AGBL4: variants seen among roughly 807,000 people sequenced by gnomAD.
The protein encoded by AGBL4 is AGBL carboxypeptidase 4.
Under a neutral mutation model 66.4 loss-of-function variants are expected in AGBL4, and 58 were observed. The ratio of observed to expected loss-of-function variants is 0.87; its 90% CI spans 0.71 to 1.09. The LOEUF (loss-of-function observed/expected upper bound fraction) is 1.09. AGBL4 is among the 50% of genes least tolerant of loss of function. The pLI is 0.00. For missense variants in AGBL4, 579 were observed against 631.0 expected, an observed-to-expected ratio of 0.92 and a Z score of 0.88; for synonymous variants, 234 against 222.9, an observed-to-expected ratio of 1.05 and a Z score of -0.44.
chr1:48,812,617 C>T (rs1449169645), intron 6 of AGBL4, among the ~76,000 whole-genome samples: 3 of 152,150 alleles, frequency 2.0e-5, no homozygotes, highest in Non-Finnish European at 2.9e-5. Flanking sequence ...TGGGTATATA[C>T]CCAAAGGATT....
At chr1:48,777,268 C>CAAATTGCAACAAAACTGCA (rs1645147170) in intron 6 of AGBL4, among the ~76,000 whole-genome samples, 1 of 152,010 alleles carries the variant, frequency 6.6e-6, no homozygotes, top group African/African-American at 2.4e-5. Context: ...ATCGCGCTGC[C>CAAATTGCAACAAAACTGCA]AAATTGCATT....
intron 3 of AGBL4, among the ~76,000 whole-genome samples, chr1:49,478,990 T>C (rs1646900298): frequency 1.3e-5 from 2 of 151,350 alleles, no homozygotes; most frequent in African/African-American, 2.4e-5. Flanking sequence ...ATAGGATACA[T>C]AAAAAATAAA....
chr1:49,257,230 AGGT>A (rs1652593033), intron 3 of AGBL4, among the ~76,000 whole-genome samples: 1 of 152,174 alleles, frequency 6.6e-6, no homozygotes, highest in Non-Finnish European at 1.5e-5. Flanking sequence ...AAGTCTGCAA[AGGT>A]TACTGCTGTC....
At chr1:49,499,629 T>C (rs1048576791) in intron 3 of AGBL4, among the ~76,000 whole-genome samples, 1 of 151,916 alleles carries the variant, frequency 6.6e-6, no homozygotes, top group Non-Finnish European at 1.5e-5. Context: ...TTTCCATTAT[T>C]TAGTTACTTC....
intron 3 of AGBL4, among the ~76,000 whole-genome samples, chr1:49,490,287 T>G (rs1335183797): frequency 6.6e-6 from 1 of 151,854 alleles, no homozygotes; most frequent in Non-Finnish European, 1.5e-5. Flanking sequence ...ATATTGATTT[T>G]GCTACTTAAA....
chr1:49,797,026 A>T, intron 2 of AGBL4, among the ~76,000 whole-genome samples: 1 of 152,166 alleles, frequency 6.6e-6, no homozygotes, highest in East Asian at 1.9e-4. Context: ...GCATTGTGTT[A>T]TCCTTATAAG....
chr1:49,539,661 C>G (rs1651859903), intron 3 of AGBL4, among the ~76,000 whole-genome samples: 1 of 152,196 alleles, frequency 6.6e-6, no homozygotes, highest in Non-Finnish European at 1.5e-5. Context: ...TATTTATATA[C>G]AACCCTTAAA....
At chr1:50,023,412 G>A (rs771189469) in intron 1 of AGBL4, among the ~76,000 whole-genome samples, 13 of 152,092 alleles carry the variant, frequency 8.5e-5, no homozygotes, top group Non-Finnish European at 7.4e-5. Context: ...ACAGGGCAGT[G>A]TACACCCTTT....
intron 3 of AGBL4, among the ~76,000 whole-genome samples, chr1:49,340,800 A>G (rs1645524574): frequency 6.6e-6 from 1 of 152,172 alleles, no homozygotes; most frequent in Non-Finnish European, 1.5e-5. Flanking sequence ...CATTAATACC[A>G]AGTATTTAAT....
intron 4 of AGBL4, among the ~76,000 whole-genome samples, chr1:49,199,526 A>G (rs1353099173): frequency 6.6e-6 from 1 of 152,154 alleles, no homozygotes. Flanking sequence ...GGAACCTTAC[A>G]CTACTCATTG....
At chr1:49,246,046 T>G (rs1435382451) in intron 3 of AGBL4, among the ~76,000 whole-genome samples, 182 bp from the exon 4 acceptor site, 11 of 151,980 alleles carry the variant, frequency 7.2e-5, no homozygotes, top group Admixed American at 7.2e-4. Context: ...GCATAGCAAT[T>G]AAGCATTAGC....
intron 3 of AGBL4, among the ~76,000 whole-genome samples, chr1:49,306,783 C>T (rs1644855442): frequency 6.6e-6 from 1 of 152,190 alleles, no homozygotes; most frequent in South Asian, 2.1e-4. Context: ...AACTTCAAGT[C>T]ATGGGACTAT....
intron 1 of AGBL4, among the ~76,000 whole-genome samples, chr1:50,022,930 C>T (rs1662558964): frequency 6.6e-6 from 1 of 152,158 alleles, no homozygotes. Flanking sequence ...GTCAGTATCT[C>T]ACAAATCCCA....
At chr1:49,005,727 G>A (rs1271516515) in intron 5 of AGBL4, among the ~76,000 whole-genome samples, 3 of 152,144 alleles carry the variant, frequency 2.0e-5, no homozygotes, top group Non-Finnish European at 4.4e-5. Flanking sequence ...TTCACTGAGG[G>A]TCTCAGAACA....
chr1:49,646,293 T>C (rs1044741674), intron 3 of AGBL4, among the ~76,000 whole-genome samples: 3 of 151,958 alleles, frequency 2.0e-5, no homozygotes, highest in African/African-American at 4.8e-5. Flanking sequence ...GAAAATTCTA[T>C]GGAATCTATG....
At chr1:50,017,820 C>A (rs1312220762) in intron 1 of AGBL4, among the ~76,000 whole-genome samples, 1 of 152,062 alleles carries the variant, frequency 6.6e-6, no homozygotes, top group Non-Finnish European at 1.5e-5. Flanking sequence ...AACCTGTACA[C>A]CAAACCCCAG....
At chr1:48,637,643 G>A (rs1487742492) in intron 8 of AGBL4, among the ~76,000 whole-genome samples, 1 of 143,306 alleles carries the variant, frequency 7.0e-6, no homozygotes, top group Non-Finnish European at 1.6e-5. Context: ...CAGTGCTGCT[G>A]TGGAACAGAG....
At chr1:49,073,442 T>C (rs1356077118) in intron 4 of AGBL4, among the ~76,000 whole-genome samples, 1 of 152,182 alleles carries the variant, frequency 6.6e-6, no homozygotes, top group Non-Finnish European at 1.5e-5. Context: ...GGTGTAGATG[T>C]CCTTTTTGTT....
chr1:49,760,473 C>G (rs967930322), intron 2 of AGBL4, among the ~76,000 whole-genome samples: 1 of 152,056 alleles, frequency 6.6e-6, no homozygotes, highest in African/African-American at 2.4e-5. Flanking sequence ...CAATGAGATA[C>G]CATCTCAACA....
Sources: gnomAD v4.1 joint callset for allele counts (sites outside exome capture counted in the v4.1 genomes callset) on GRCh38, gnomAD v4.1.1 for gene constraint, MANE v1.5 for transcripts, NCBI Gene and HGNC (gene_info 2026-07-23, HGNC 2026-07-21) for gene names.